TMEM184B: variants seen among roughly 807,000 people sequenced by gnomAD.
The protein encoded by TMEM184B is transmembrane protein 184B.
In TMEM184B, 17 loss-of-function variants were observed where a neutral mutation model predicts 41.8. The observed-to-expected ratio is 0.41, with a 90% CI of 0.28 to 0.61. TMEM184B has a LOEUF of 0.61. TMEM184B is among the 20% of genes least tolerant of loss of function. The pLI is 0.34. For synonymous variants in TMEM184B, 240 were observed against 229.5 expected, an observed-to-expected ratio of 1.05 and a Z score of -0.41; for missense variants, 393 against 557.8, an observed-to-expected ratio of 0.70 and a Z score of 2.98.
intron 1 of TMEM184B, among the ~76,000 whole-genome samples, chr22:38,265,233 T>G (rs1220070416): frequency 6.6e-6 from 1 of 152,182 alleles, no homozygotes; most frequent in African/African-American, 2.4e-5. Flanking sequence ...GCACTTCACC[T>G]GCCAACCTCC....
chr22:38,264,877 C>A (rs1376433523), intron 1 of TMEM184B, among the ~76,000 whole-genome samples: 1 of 152,210 alleles, frequency 6.6e-6, no homozygotes, highest in Non-Finnish European at 1.5e-5. Flanking sequence ...CATCTCCCAG[C>A]CCAAGCCGTG....
chr22:38,252,499 C>T (rs904628743), intron 1 of TMEM184B, among the ~76,000 whole-genome samples: 1 of 152,246 alleles, frequency 6.6e-6, no homozygotes, highest in African/African-American at 2.4e-5. Context: ...CAGACCCAGC[C>T]TCAGCCTTTA....
intron 8 of TMEM184B, 110 bp downstream of exon 8, chr22:38,224,675 C>T (rs1052691018): frequency 8.7e-7 from 1 of 1,150,678 alleles, no homozygotes; most frequent in African/African-American, 1.6e-5. Flanking sequence ...GTGGGGATCC[C>T]ATGTCCTGAC....
chr22:38,260,228 AT>A (rs1170003952), intron 1 of TMEM184B, among the ~76,000 whole-genome samples: 1 of 151,582 alleles, frequency 6.6e-6, no homozygotes, highest in Non-Finnish European at 1.5e-5. Flanking sequence ...CTAATTTTTT[AT>A]ATTTTTGTTA....
Position 38,226,032 on chromosome 22 carries a change from G to C in TMEM184B, c.618-439C>G, listed in dbSNP as rs1249984303. ...AGGGCTGTTACACAGTTCACAGACA[G>C]TGTGTGCCGAGAGCTTGAAAGCACA... On this transcript the variant is annotated intron_variant, in intron 6 of 8. Coordinates refer to ENST00000361906, the MANE Select transcript of TMEM184B (RefSeq NM_012264.5). The surrounding 1 kb of genome is among the most constrained non-coding windows in gnomAD (Gnocchi z 4.6). Among the ~76,000 whole-genome samples, 11 of 151,844 alleles carry C rather than the reference G, an allele frequency of 7.2e-5. No individual in the cohort carries two copies.
At position 38,220,413 on chromosome 22, in the gene TMEM184B, G is replaced by C. The variant is rs185761253; in HGVS notation, c.*1056C>G. 1 of 985,970 alleles carries C rather than the reference G, an allele frequency of 1.0e-6. No homozygotes were observed. The highest frequency in any genetic ancestry group is 1.1e-4 in the East Asian group (1 of 8,804). 61.1% of individuals were successfully genotyped at this position (985,970 alleles called of 1,614,324 possible). A position where few individuals can be genotyped will look rare whatever the true frequency, so the allele number is the denominator to read the frequency against. ...GAAGAGATGGGCCAGGGGCCAGATG[G>C]GGTAGAACACCAGGCCCTGTGTGGA... On this transcript the variant is annotated 3_prime_UTR_variant, in exon 9 of 9. Coordinates refer to ENST00000361906, the MANE Select transcript of TMEM184B (RefSeq NM_012264.5).
At chr22:38,271,571 G>A (rs1001591422) in intron 1 of TMEM184B, among the ~76,000 whole-genome samples, 4 of 152,084 alleles carry the variant, frequency 2.6e-5, no homozygotes, top group Non-Finnish European at 4.4e-5. Flanking sequence ...TCTTTCCTGC[G>A]GCCACGATCC....
chr22:38,266,236 G>A (rs1298725844), intron 1 of TMEM184B, among the ~76,000 whole-genome samples: 2 of 152,208 alleles, frequency 1.3e-5, no homozygotes, highest in Admixed American at 6.5e-5. Flanking sequence ...TTTTAAGTTG[G>A]AAAAGAAGCA....
At chr22:38,251,895 TG>T in intron 1 of TMEM184B, among the ~76,000 whole-genome samples, 1 of 132,904 alleles carries the variant, frequency 7.5e-6, no homozygotes, top group African/African-American at 3.6e-5. Flanking sequence ...CAGATGATGC[TG>T]TTTTTTTTTT....
chr22:38,266,876 G>T (rs1056977314), intron 1 of TMEM184B, among the ~76,000 whole-genome samples: 24 of 152,170 alleles, frequency 1.6e-4, no homozygotes, highest in Non-Finnish European at 1.6e-4. Flanking sequence ...GAGGTCAGAA[G>T]ATCGAGACCA....
intron 8 of TMEM184B, among the ~76,000 whole-genome samples, chr22:38,224,263 C>T (rs6001056): frequency 0.061 from 9,321 of 152,120 alleles, 921 homozygotes; most frequent in African/African-American, 0.21. Context: ...TACAAGCACC[C>T]GCCACCACGC....
intron 3 of TMEM184B, among the ~76,000 whole-genome samples, chr22:38,245,601 T>C (rs368737543): frequency 2.6e-5 from 3 of 116,352 alleles, no homozygotes; most frequent in Non-Finnish European, 5.4e-5. Flanking sequence ...GAGACCCAGG[T>C]GGAGGGCCCT....
At position 38,239,942 on chromosome 22, in the gene TMEM184B, A is replaced by AT. The variant is rs879493569; in HGVS notation, c.358+5992dup. Among the ~76,000 whole-genome samples, 549 of 147,168 alleles carry AT rather than the reference A, an allele frequency of 3.7e-3. 3 individuals carry two copies. Among genetic ancestry groups the AT allele is most frequent in the East Asian group, 0.018 (90 of 5,052 alleles). ...CATCACCCAATCAGGAGGTCCAGCA[A>AT]TTTTTTTTTTTTCTGGGGCGGGTAG... On this transcript the variant is annotated intron_variant, in intron 3 of 8. Transcript: ENST00000361906. This position sits in a 1 kb window ranked among gnomAD's most constrained non-coding sequence, Gnocchi z 4.6.
chr22:38,251,022 G>A (rs1232183507), intron 1 of TMEM184B, among the ~76,000 whole-genome samples: 1 of 152,200 alleles, frequency 6.6e-6, no homozygotes, highest in Non-Finnish European at 1.5e-5. Context: ...CTCCTACAAA[G>A]TGGGGGGACC....
At chr22:38,262,465 G>A (rs143449402) in intron 1 of TMEM184B, among the ~76,000 whole-genome samples, 11 of 152,306 alleles carry the variant, frequency 7.2e-5, no homozygotes, top group African/African-American at 9.6e-5. Flanking sequence ...GCAAAGGCAC[G>A]GAGGTGGGGA....
intron 1 of TMEM184B, among the ~76,000 whole-genome samples, chr22:38,266,890 T>C (rs1019462179): frequency 5.3e-5 from 8 of 152,270 alleles, no homozygotes; most frequent in African/African-American, 1.9e-4. Context: ...GAGACCATCC[T>C]GGCTAACACG....
intron 1 of TMEM184B, among the ~76,000 whole-genome samples, chr22:38,253,927 G>A (rs1020276017): frequency 6.6e-6 from 1 of 152,188 alleles, no homozygotes; most frequent in Non-Finnish European, 1.5e-5. Context: ...TGGGCCAGGC[G>A]CGGTGGTTCA....
intron 1 of TMEM184B, among the ~76,000 whole-genome samples, chr22:38,270,172 A>G (rs566130854): frequency 6.6e-6 from 1 of 152,238 alleles, no homozygotes; most frequent in South Asian, 2.1e-4. Flanking sequence ...AGTTCCCTCT[A>G]CCTGGAACGC....
chr22:38,243,674 T>A (rs2091963624), intron 3 of TMEM184B, among the ~76,000 whole-genome samples: 1 of 152,064 alleles, frequency 6.6e-6, no homozygotes, highest in South Asian at 2.1e-4. Flanking sequence ...AGTATTCTCA[T>A]CTGGAAGGAC....
Sources: allele counts gnomAD v4.1 joint callset (sites outside exome capture counted in the v4.1 genomes callset), GRCh38; gene constraint gnomAD v4.1.1; non-coding constraint Gnocchi (gnomAD v3.1); transcripts MANE v1.5; gene names NCBI Gene and HGNC (gene_info 2026-07-23, HGNC 2026-07-21).